CADPS: variants seen among roughly 807,000 people sequenced by gnomAD.
CADPS encodes the protein calcium-dependent secretion activator 1.
A neutral mutation model predicts 167.3 loss-of-function variants in CADPS; 57 were observed. The observed-to-expected ratio is 0.34, with a 90% CI of 0.28 to 0.42. The LOEUF is 0.42. Among genes scored for constraint, CADPS ranks in the 20% least tolerant of loss-of-function variants. The pLI is 1.00. For missense variants in CADPS, 1,414 were observed against 1,738.1 expected (o/e 0.81, Z 3.32); for synonymous variants, 676 against 635.3 (o/e 1.06, Z -0.96).
Position 62,753,877 on chromosome 3 carries a change from G to A in CADPS, c.556-104C>T. The A allele has an allele frequency of 9.1e-7, 1 of 1,102,218 alleles. No homozygotes were observed. 68.3% of individuals were successfully genotyped at this position (1,102,218 alleles called of 1,614,324 possible). On this transcript the variant is annotated intron_variant, in intron 2 of 29. Transcript: ENST00000383710. This position sits in a 1 kb window ranked among gnomAD's most constrained non-coding sequence, Gnocchi z 4.6. ...CCAGTCCACCTCACGTGCATCCCAG[G>A]AGGAACCACTGTGGGTCTCACCCTG...
intron 3 of CADPS, among the ~76,000 whole-genome samples, chr3:62,718,394 AC>A (rs1431318193): frequency 3.3e-5 from 5 of 152,202 alleles, no homozygotes; most frequent in Non-Finnish European, 7.3e-5. Context: ...AACAATTTCT[AC>A]CTGTAAAGAG....
At chr3:62,435,627 T>C (rs1488582219) in intron 28 of CADPS, among the ~76,000 whole-genome samples, 2 of 152,128 alleles carry the variant, frequency 1.3e-5, no homozygotes, top group African/African-American at 2.4e-5. Flanking sequence ...AGAAAGTAAA[T>C]GGCAAAGAAA....
intron 6 of CADPS, among the ~76,000 whole-genome samples, chr3:62,643,399 C>T (rs2668230): frequency 0.98 from 148,619 of 152,314 alleles, 72,595 homozygotes; most frequent in Middle Eastern, 1. Context: ...AACCAACCTA[C>T]TGACTGAAGA....
intron 1 of CADPS, among the ~76,000 whole-genome samples, chr3:62,797,186 G>C (rs1287031793): frequency 6.6e-6 from 1 of 152,030 alleles, no homozygotes; most frequent in Non-Finnish European, 1.5e-5. Flanking sequence ...TTTCCTCAGG[G>C]AGTGTCCATG....
intron 6 of CADPS, among the ~76,000 whole-genome samples, chr3:62,636,260 G>A (rs1024434597): frequency 6.6e-6 from 1 of 152,186 alleles, no homozygotes; most frequent in African/African-American, 2.4e-5. Flanking sequence ...AATGACAGTG[G>A]CACAGGTGAG....
In CADPS at chr3:62,833,430, C is replaced by T. The variant is rs1398891206; in HGVS notation, c.441+41159G>A. Among the ~76,000 whole-genome samples the T allele has an allele frequency of 1.1e-4, 17 of 151,904 alleles. No individual in the cohort carries two copies. In the East Asian group the frequency reaches 3.4e-3, roughly 30 times the overall value. ...TCAGCCTCCCAAAGTGCTAGGATTA[C>T]AGGTGGAAGCCACTTTGGGAGGCTG... On this transcript the variant is annotated intron_variant, in intron 1 of 29. Coordinates refer to ENST00000383710, the MANE Select transcript of CADPS (RefSeq NM_003716.4).
intron 23 of CADPS, among the ~76,000 whole-genome samples, chr3:62,477,315 T>G (rs62243485): frequency 1.0e-4 from 2 of 20,084 alleles, no homozygotes; most frequent in Admixed American, 6.3e-4. Flanking sequence ...GCAATCTGGG[T>G]TTTTTTTTTT....
At position 62,691,375 on chromosome 3, in the gene CADPS, A is replaced by C. The variant is rs191360794; in HGVS notation, c.889-28981T>G. Among the ~76,000 whole-genome samples, 10 of 152,142 alleles carry C rather than the reference A, an allele frequency of 6.6e-5. No homozygotes were observed. In the East Asian group the frequency reaches 1.7e-3, roughly 27 times the overall value. ...TAGGCTCATCAACTGTTACAAATGC[A>C]TCATTCTGTTGGGGGATGTTGGTAG... On this transcript the variant is annotated intron_variant, in intron 3 of 29. Coordinates refer to ENST00000383710, the MANE Select transcript of CADPS (RefSeq NM_003716.4).
intron 17 of CADPS, among the ~76,000 whole-genome samples, chr3:62,508,370 A>G (rs1053510347): frequency 6.6e-6 from 1 of 152,160 alleles, no homozygotes; most frequent in Non-Finnish European, 1.5e-5. Context: ...ATACAGTTTC[A>G]TTGCTAACAA....
intron 6 of CADPS, among the ~76,000 whole-genome samples, chr3:62,599,797 A>AATATATATT (rs373248925): frequency 0.22 from 1,815 of 8,366 alleles, 186 homozygotes; most frequent in Middle Eastern, 0.3. Context: ...TAATATATAT[A>AATATATATT]ATATATAATA....
intron 1 of CADPS, among the ~76,000 whole-genome samples, chr3:62,868,571 CT>C (rs1560013734): frequency 6.6e-6 from 1 of 152,100 alleles, no homozygotes; most frequent in East Asian, 1.9e-4. Context: ...TTGAAAAGCG[CT>C]TTGTGGACAA....
rs369422232 is a variant in CADPS at position 62,455,646 on chromosome 3, G to T, written c.3636+9721C>A. Among the ~76,000 whole-genome samples, 1 of 152,118 alleles carries T rather than the reference G, an allele frequency of 6.6e-6. No homozygotes were observed. Among genetic ancestry groups the T allele is most frequent in the Admixed American group, 6.6e-5 (1 of 15,264 alleles). On this transcript the variant is annotated intron_variant, in intron 26 of 29. Coordinates refer to ENST00000383710, the MANE Select transcript of CADPS (RefSeq NM_003716.4). This position sits in a 1 kb window ranked among gnomAD's most constrained non-coding sequence, Gnocchi z 4.4. ...AGCAGACATGTAAGCTTATTTTTGC[G>T]GATTTTAAGTGGGGGCCCCTGCCCC...
chr3:62,533,216 C>T (rs755214759), intron 12 of CADPS, among the ~76,000 whole-genome samples, 158 bp from the exon 13 acceptor site: 24 of 152,054 alleles, frequency 1.6e-4, no homozygotes, highest in Admixed American at 2.6e-4. Context: ...CAGCATATTG[C>T]GGTTTAGTCC....
chr3:62,720,016 T>C (rs989487778), intron 3 of CADPS, among the ~76,000 whole-genome samples: 5 of 152,148 alleles, frequency 3.3e-5, no homozygotes, highest in African/African-American at 1.2e-4. Flanking sequence ...GCCTGGGACA[T>C]AGGATAACAG....
At chr3:62,646,720 T>C (rs915843158) in intron 5 of CADPS, among the ~76,000 whole-genome samples, 2 of 152,206 alleles carry the variant, frequency 1.3e-5, no homozygotes, top group African/African-American at 2.4e-5. Flanking sequence ...TGCCTTGTCT[T>C]TTCTCACTTT....
At chr3:62,741,906 T>C (rs1378824722) in intron 3 of CADPS, among the ~76,000 whole-genome samples, 2 of 152,194 alleles carry the variant, frequency 1.3e-5, no homozygotes, top group Non-Finnish European at 2.9e-5. Context: ...TTTCTTAAGC[T>C]GGTAAACAAC....
intron 8 of CADPS, among the ~76,000 whole-genome samples, chr3:62,582,539 A>C (rs2083643802): frequency 6.6e-6 from 1 of 152,220 alleles, no homozygotes; most frequent in African/African-American, 2.4e-5. Context: ...GGGCTCAGTA[A>C]AACTATTTTA....
intron 8 of CADPS, among the ~76,000 whole-genome samples, chr3:62,579,119 G>T (rs540278382): frequency 2.6e-5 from 4 of 152,184 alleles, no homozygotes; most frequent in Non-Finnish European, 5.9e-5. Flanking sequence ...AATTACTCCC[G>T]GTTGGTGGAC....
chr3:62,498,932 C>T (rs1471254061), intron 18 of CADPS, among the ~76,000 whole-genome samples: 3 of 152,180 alleles, frequency 2.0e-5, no homozygotes, highest in Non-Finnish European at 2.9e-5. Flanking sequence ...TTGTTCATCG[C>T]TAGAAACATC....
Sources: gnomAD v4.1 joint callset for allele counts (sites outside exome capture counted in the v4.1 genomes callset) on GRCh38, gnomAD v4.1.1 for gene constraint, Gnocchi (gnomAD v3.1) non-coding constraint, MANE v1.5 for transcripts, NCBI Gene and HGNC (gene_info 2026-07-23, HGNC 2026-07-21) for gene names.